PTPRR: variants seen among roughly 807,000 people sequenced by gnomAD.
The protein encoded by PTPRR is receptor-type tyrosine-protein phosphatase R.
In PTPRR, 38 loss-of-function variants were observed where a neutral mutation model predicts 77.2. The ratio of observed to expected loss-of-function variants is 0.49; its 90% CI spans 0.38 to 0.65. The LOEUF is 0.65. Among genes scored for constraint, PTPRR ranks in the 30% least tolerant of loss-of-function variants. The probability of loss-of-function intolerance (pLI) is 0.00; values close to 1 mark genes in which losing one functional copy is unlikely to be tolerated. For missense variants in PTPRR, 744 were observed against 799.2 expected (o/e 0.93, Z 0.83); for synonymous variants, 299 against 283.1 (o/e 1.06, Z -0.57).
At position 70,804,984 on chromosome 12, in the gene PTPRR, T is replaced by A. The variant is rs1463445778; in HGVS notation, c.358-40206A>T. 2.6e-5 allele frequency among the ~76,000 whole-genome samples: 4 copies of A among 152,202 alleles called. No homozygotes were observed. The East Asian group carries it at 7.7e-4, about 29-fold the overall frequency. On this transcript the variant is annotated intron_variant, in intron 2 of 13. Transcript: ENST00000283228. ...AAGATAGCAAATAATATTTTATGTA[T>A]CTCTCCCCATGCTTATTTTGTCACA...
At chr12:70,711,926 C>G (rs1297926466) in intron 6 of PTPRR, among the ~76,000 whole-genome samples, 1 of 152,004 alleles carries the variant, frequency 6.6e-6, no homozygotes, top group African/African-American at 2.4e-5. Context: ...AATGTTTACC[C>G]AAGAACAGTA....
At chr12:70,751,294 A>C (rs543448628) in intron 5 of PTPRR, among the ~76,000 whole-genome samples, 2 of 151,758 alleles carry the variant, frequency 1.3e-5, no homozygotes, top group Non-Finnish European at 2.9e-5. Flanking sequence ...TTTCAAATAG[A>C]TCTCAATCCT....
intron 7 of PTPRR, 107 bp downstream of exon 7, chr12:70,701,030 G>C (rs1888402267): frequency 6.1e-6 from 7 of 1,150,488 alleles, no homozygotes; most frequent in Non-Finnish European, 8.7e-6. Flanking sequence ...TTTGCCATTT[G>C]TTTACTGTAG....
chr12:70,685,286 C>T (rs957503739), intron 8 of PTPRR, among the ~76,000 whole-genome samples: 8 of 151,886 alleles, frequency 5.3e-5, no homozygotes, highest in Non-Finnish European at 8.8e-5. Flanking sequence ...TAATCTATTA[C>T]GTGCTATCTG....
chr12:70,863,757 G>A (rs974523299), intron 2 of PTPRR, among the ~76,000 whole-genome samples: 1 of 152,046 alleles, frequency 6.6e-6, no homozygotes, highest in Non-Finnish European at 1.5e-5. Flanking sequence ...AGAATTTAAG[G>A]ATTCAGGAAC....
At chr12:70,693,376 G>A (rs565811283) in intron 8 of PTPRR, among the ~76,000 whole-genome samples, 2 of 152,050 alleles carry the variant, frequency 1.3e-5, no homozygotes, top group East Asian at 1.9e-4. Flanking sequence ...AGCTCACTGC[G>A]ACCTCAACCT....
chr12:70,866,937 G>C (rs1289806334), intron 2 of PTPRR, among the ~76,000 whole-genome samples: 1 of 151,630 alleles, frequency 6.6e-6, no homozygotes, highest in Non-Finnish European at 1.5e-5. Flanking sequence ...AAAACCGCAT[G>C]ATGATCTCAA....
chr12:70,709,683 T>C (rs4760890), intron 6 of PTPRR, among the ~76,000 whole-genome samples: 49,423 of 151,774 alleles, frequency 0.33, 8,264 homozygotes, highest in South Asian at 0.48. Flanking sequence ...ACTAGCATTC[T>C]TGTACACCAA....
intron 3 of PTPRR, among the ~76,000 whole-genome samples, 156 bp downstream of exon 3, chr12:70,764,509 G>A (rs1890767477): frequency 6.6e-6 from 1 of 152,200 alleles, no homozygotes; most frequent in Non-Finnish European, 1.5e-5. Flanking sequence ...ATGGGTAGAT[G>A]AGCAGATATA....
intron 2 of PTPRR, among the ~76,000 whole-genome samples, chr12:70,785,468 G>A (rs572762081): frequency 6.6e-6 from 1 of 151,958 alleles, no homozygotes; most frequent in African/African-American, 2.4e-5. Context: ...AAGAACTTTT[G>A]TATATTGTTC....
At chr12:70,719,557 T>TA (rs1565664420) in intron 6 of PTPRR, among the ~76,000 whole-genome samples, 4 of 151,866 alleles carry the variant, frequency 2.6e-5, no homozygotes, top group East Asian at 1.9e-4. Context: ...ATCATTTTTT[T>TA]AAAAAAATAA....
At chr12:70,851,885 A>C (rs1892577136) in intron 2 of PTPRR, among the ~76,000 whole-genome samples, 1 of 152,240 alleles carries the variant, frequency 6.6e-6, no homozygotes, top group Admixed American at 6.5e-5. Context: ...AAATGTTTTC[A>C]TACATTAACA....
chr12:70,775,833 A>G (rs1891075782), intron 2 of PTPRR, among the ~76,000 whole-genome samples: 1 of 151,804 alleles, frequency 6.6e-6, no homozygotes, highest in Admixed American at 6.6e-5. Context: ...TTGGCCAAGG[A>G]GTTGGAATGG....
At chr12:70,916,484 C>G (rs1241592114) in intron 1 of PTPRR, among the ~76,000 whole-genome samples, 4 of 152,042 alleles carry the variant, frequency 2.6e-5, no homozygotes, top group African/African-American at 9.7e-5. Context: ...TAAAATATAT[C>G]ATTTACCTGT....
chr12:70,709,018 T>TA, intron 6 of PTPRR, among the ~76,000 whole-genome samples: 1 of 151,930 alleles, frequency 6.6e-6, no homozygotes, highest in Non-Finnish European at 1.5e-5. Flanking sequence ...AGAGATTCAA[T>TA]AAAAAAAGAA....
chr12:70,734,810 T>C (rs534136987), intron 6 of PTPRR, among the ~76,000 whole-genome samples: 6 of 152,184 alleles, frequency 3.9e-5, no homozygotes, highest in Non-Finnish European at 8.8e-5. Flanking sequence ...TGCTTTCCAA[T>C]GAGTAGTGGC....
At chr12:70,888,726 GCTTT>G (rs574222891) in intron 2 of PTPRR, among the ~76,000 whole-genome samples, 8 of 152,058 alleles carry the variant, frequency 5.3e-5, no homozygotes, top group East Asian at 3.9e-4. Context: ...TTTGAATCAT[GCTTT>G]CTTTGAGTTT....
intron 6 of PTPRR, among the ~76,000 whole-genome samples, chr12:70,708,888 T>C (rs1453517213): frequency 6.6e-6 from 1 of 151,832 alleles, no homozygotes; most frequent in African/African-American, 2.4e-5. Context: ...ACCTCCTGTC[T>C]CTTTATGCAA....
chr12:70,708,032 T>C (rs1888681726), intron 6 of PTPRR, among the ~76,000 whole-genome samples: 1 of 152,086 alleles, frequency 6.6e-6, no homozygotes, highest in Non-Finnish European at 1.5e-5. Flanking sequence ...TCTCTATGCC[T>C]CAAATGTGCT....
Sources: allele counts gnomAD v4.1 joint callset (sites outside exome capture counted in the v4.1 genomes callset), GRCh38; gene constraint gnomAD v4.1.1; transcripts MANE v1.5; gene names NCBI Gene and HGNC (gene_info 2026-07-23, HGNC 2026-07-21).